The following CTNNA2 variants were observed in gnomAD, a reference collection of about 807,000 sequenced individuals.
The protein encoded by CTNNA2 is catenin alpha 2, also known as catenin alpha-2.
CTNNA2 carries 42 observed loss-of-function variants against 101.0 expected under a neutral mutation model. The observed-to-expected ratio is 0.42, with a 90% CI of 0.32 to 0.54. The LOEUF is 0.54. Among genes scored for constraint, CTNNA2 ranks in the 20% least tolerant of loss-of-function variants. CTNNA2 has a pLI of 0.14. For missense variants in CTNNA2, 871 were observed against 1,223.1 expected (o/e 0.71, Z 4.29); for synonymous variants, 450 against 456.4 (o/e 0.99, Z 0.18).
intron 7 of CTNNA2, among the ~76,000 whole-genome samples, chr2:80,152,347 C>G (rs1271789168): frequency 6.6e-6 from 1 of 151,456 alleles, no homozygotes; most frequent in Non-Finnish European, 1.5e-5. Flanking sequence ...ATGGCATTCC[C>G]TGTGTGAGAC....
intron 4 of CTNNA2, among the ~76,000 whole-genome samples, chr2:79,867,301 A>T (rs575630770): frequency 5.3e-5 from 8 of 151,980 alleles, no homozygotes; most frequent in Admixed American, 5.2e-4. Flanking sequence ...CACTAAACTT[A>T]TTTTTTCTTC....
At chr2:80,324,469 A>T (rs1309120461) in intron 7 of CTNNA2, among the ~76,000 whole-genome samples, 1 of 152,032 alleles carries the variant, frequency 6.6e-6, no homozygotes, top group East Asian at 1.9e-4. Context: ...CTATTAACTA[A>T]CTTAAAGATT....
intron 7 of CTNNA2, among the ~76,000 whole-genome samples, chr2:80,337,151 C>T (rs1415932390): frequency 2.6e-5 from 4 of 152,212 alleles, no homozygotes; most frequent in African/African-American, 7.2e-5. Flanking sequence ...GTCAGGAGAT[C>T]GAGACCATCC....
chr2:79,715,916 C>T (rs2104834431), intron 2 of CTNNA2, among the ~76,000 whole-genome samples: 1 of 152,084 alleles, frequency 6.6e-6, no homozygotes, highest in South Asian at 2.1e-4. Flanking sequence ...GTAAGAATTA[C>T]ATCCAACGTA....
chr2:79,192,204 G>A (rs1259735049), intron 1 of CTNNA2, among the ~76,000 whole-genome samples: 2 of 152,064 alleles, frequency 1.3e-5, no homozygotes, highest in Non-Finnish European at 2.9e-5. Context: ...AGAAAACGTT[G>A]TTGCTAAGGT....
At chr2:80,626,823 T>C (rs2149819068) in intron 18 of CTNNA2, among the ~76,000 whole-genome samples, 1 of 152,162 alleles carries the variant, frequency 6.6e-6, no homozygotes, top group Admixed American at 6.6e-5. Context: ...CATCAACCTG[T>C]CATCTACTTT....
intron 2 of CTNNA2, among the ~76,000 whole-genome samples, chr2:79,199,254 C>A (rs1674001794): frequency 6.6e-6 from 1 of 152,130 alleles, no homozygotes; most frequent in Non-Finnish European, 1.5e-5. Context: ...TGTGTTCTTT[C>A]CTGCACCACC....
In CTNNA2 at chr2:80,253,661, C is replaced by T. The variant is rs114841120; in HGVS notation, c.1057-139550C>T. 1.9e-3 allele frequency among the ~76,000 whole-genome samples: 293 copies of T among 152,300 alleles called. 3 individuals carry two copies. The highest frequency in any genetic ancestry group is 3.5e-3 in the Non-Finnish European group (241 of 68,034). ...TTTTGCAAACTTCCTCAATCAAAAT[C>T]TCTTCTTTCAAGATTTGATTCATTA... On this transcript the variant is annotated intron_variant, in intron 7 of 18. Coordinates refer to ENST00000402739, the MANE Select transcript of CTNNA2 (RefSeq NM_001282597.3).
chr2:79,479,869 GCTGAGATCATGCCACTGCACTCTAGA>G (rs1558677551), intron 4 of CTNNA2, among the ~76,000 whole-genome samples: 1 of 152,024 alleles, frequency 6.6e-6, no homozygotes. Context: ...GTCGCAGTGA[GCTGAGATCATGCCACTGCACTCTAGA>G]CTGGGCGACA....
At chr2:79,411,792 T>G (rs139575049) in intron 4 of CTNNA2, among the ~76,000 whole-genome samples, 4,329 of 152,186 alleles carry the variant, frequency 0.028, 101 homozygotes, top group African/African-American at 0.066. Context: ...TGCAAAATCA[T>G]GCCAAAATGT....
chr2:79,302,348 T>C (rs1676132535), intron 2 of CTNNA2, among the ~76,000 whole-genome samples: 1 of 152,078 alleles, frequency 6.6e-6, no homozygotes, highest in Admixed American at 6.5e-5. Flanking sequence ...CCATTTGCCT[T>C]TCTCAGTGTT....
At chr2:80,287,179 T>A (rs1311426085) in intron 7 of CTNNA2, among the ~76,000 whole-genome samples, 1 of 152,086 alleles carries the variant, frequency 6.6e-6, no homozygotes, top group Non-Finnish European at 1.5e-5. Context: ...AGATGGATAT[T>A]GTGTCATCAT....
At chr2:79,637,414 A>C (rs888621418) in intron 1 of CTNNA2, among the ~76,000 whole-genome samples, 1 of 152,188 alleles carries the variant, frequency 6.6e-6, no homozygotes, top group Non-Finnish European at 1.5e-5. Flanking sequence ...AGTTTCATAC[A>C]TTTGTAGATG....
chr2:80,589,634 T>C, intron 15 of CTNNA2, 149 bp downstream of exon 15: 1 of 682,230 alleles, frequency 1.5e-6, no homozygotes, highest in South Asian at 2.3e-5. Context: ...GTCAAAATGA[T>C]CTGCACTTAA....
chr2:79,407,110 T>C (rs1267249001), intron 4 of CTNNA2, among the ~76,000 whole-genome samples: 6 of 152,020 alleles, frequency 3.9e-5, no homozygotes, highest in Admixed American at 6.6e-5. Context: ...AACCCTGACC[T>C]CCAGCTGCTT....
intron 2 of CTNNA2, among the ~76,000 whole-genome samples, chr2:79,242,993 T>TATATACACACACAC (rs1306982182): frequency 3.4e-5 from 4 of 116,700 alleles, no homozygotes; most frequent in Non-Finnish European, 7.0e-5. Context: ...TATATATATA[T>TATATACACACACAC]ACACACACAC....
intron 3 of CTNNA2, among the ~76,000 whole-genome samples, chr2:79,809,378 A>G (rs1676829747): frequency 6.6e-6 from 1 of 152,208 alleles, no homozygotes; most frequent in African/African-American, 2.4e-5. Context: ...GTCTTCCACA[A>G]TAGTTGAACT....
intron 3 of CTNNA2, among the ~76,000 whole-genome samples, chr2:79,784,340 A>T (rs1304819292): frequency 2.0e-5 from 3 of 151,934 alleles, no homozygotes; most frequent in Non-Finnish European, 4.4e-5. Context: ...AGTTATGACC[A>T]CGGGAACTTC....
intron 7 of CTNNA2, among the ~76,000 whole-genome samples, chr2:80,285,975 T>C (rs61102274): frequency 0.014 from 2,131 of 152,240 alleles, 40 homozygotes; most frequent in African/African-American, 0.048. Flanking sequence ...AAATTGACTG[T>C]CAATTTCCAT....
Sources: allele counts gnomAD v4.1 joint callset (sites outside exome capture counted in the v4.1 genomes callset), GRCh38; gene constraint gnomAD v4.1.1; transcripts MANE v1.5; gene names NCBI Gene and HGNC (gene_info 2026-07-23, HGNC 2026-07-21).